Variants in VBP1 observed in about 807,000 individuals in gnomAD.
VBP1 encodes the protein VHL binding protein 1.
VBP1 carries 4 observed loss-of-function variants against 15.5 expected under a neutral mutation model. That is an observed-to-expected ratio of 0.26 (90% CI 0.13 to 0.59). The LOEUF is 0.59. VBP1 is among the 20% of genes least tolerant of loss of function. VBP1 has a pLI of 0.90. For synonymous variants in VBP1, 61 were observed against 52.1 expected, an observed-to-expected ratio of 1.17 and a Z score of -0.74; for missense variants, 108 against 139.6, an observed-to-expected ratio of 0.77 and a Z score of 1.14.
intron 4 of VBP1, among the ~76,000 whole-genome samples, chrX:155,230,898 G>A (rs1324656638): frequency 9.0e-6 from 1 of 111,229 alleles, no homozygotes; most frequent in Non-Finnish European, 1.9e-5. Flanking sequence ...GGTTGATCTC[G>A]AACTCCTGGC....
chrX:155,221,664 C>T (rs2074690216), intron 2 of VBP1, among the ~76,000 whole-genome samples: 1 of 112,048 alleles, frequency 8.9e-6, no homozygotes, highest in Admixed American at 9.4e-5. Flanking sequence ...CAAGGAGGTT[C>T]AGAGGAAGCT....
At chrX:155,230,663 C>T (rs1360739717) in intron 4 of VBP1, among the ~76,000 whole-genome samples, 1 of 110,460 alleles carries the variant, frequency 9.1e-6, no homozygotes, top group African/African-American at 3.3e-5. Flanking sequence ...CCTATACATC[C>T]TGGTACTCTC....
intron 4 of VBP1, among the ~76,000 whole-genome samples, chrX:155,228,791 A>G (rs1449029860): frequency 8.9e-6 from 1 of 111,986 alleles, no homozygotes; most frequent in African/African-American, 3.2e-5. Flanking sequence ...TCTCTTAAAT[A>G]TAATGGAGGA....
At chrX:155,197,563 G>C (rs1243199226) in intron 1 of VBP1, among the ~76,000 whole-genome samples, 1 of 111,963 alleles carries the variant, frequency 8.9e-6, no homozygotes, top group South Asian at 3.6e-4. Context: ...TGTATAGAAT[G>C]GTAAGAAAAA....
At position 155,224,756 on chromosome X, in the gene VBP1, C is replaced by G. The variant is rs2074711493; in HGVS notation, c.219-2479C>G. Among the ~76,000 whole-genome samples, 3 of 112,374 alleles carry G rather than the reference C, an allele frequency of 2.7e-5. No homozygotes were observed. In the Admixed American group the frequency reaches 2.8e-4, roughly 11 times the overall value. ...GACACTTGAATCTGAGATCTTTTAT[C>G]TTTCTTTAATTGGAAATTTTGTGAT... On this transcript the variant is annotated intron_variant, in intron 2 of 5. Coordinates refer to ENST00000286428, the MANE Select transcript of VBP1 (RefSeq NM_003372.7).
chrX:155,200,434 T>G (rs1410083037), intron 1 of VBP1, among the ~76,000 whole-genome samples: 1 of 110,716 alleles, frequency 9.0e-6, no homozygotes, highest in Non-Finnish European at 1.9e-5. Context: ...GCAGTCAAAC[T>G]AGAACTCAGG....
intron 5 of VBP1, among the ~76,000 whole-genome samples, chrX:155,238,249 G>A (rs1260394134): frequency 1.8e-5 from 2 of 112,100 alleles, no homozygotes; most frequent in Non-Finnish European, 3.8e-5. Context: ...TTCTACTGGA[G>A]TCTAAGCTCC....
upstream of VBP1, among the ~76,000 whole-genome samples, chrX:155,214,012 C>G (rs1557308757): frequency 1.8e-5 from 2 of 111,709 alleles, no homozygotes; most frequent in Non-Finnish European, 3.8e-5. Flanking sequence ...GTTTGTCACT[C>G]TAGACTTGAA....
chrX:155,228,289 A>T, intron 3 of VBP1, 95 bp from the exon 4 acceptor site: 1 of 662,333 alleles, frequency 1.5e-6, no homozygotes, highest in Non-Finnish European at 2.3e-6. Context: ...GTACTGTTTT[A>T]AATGTCCTAG....
intron 1 of VBP1, among the ~76,000 whole-genome samples, chrX:155,198,336 G>A (rs982193029): frequency 2.7e-5 from 3 of 112,160 alleles, no homozygotes; most frequent in Non-Finnish European, 5.7e-5. Flanking sequence ...CCTGACCCCC[G>A]AGCAGCCTAA....
Position 155,236,306 on chromosome X carries a change from T to A in VBP1, c.462T>A (p.Asn154Lys). ...LEKNLSTATK[N>K]LDSLEEDLDF... Reference sequence around the variant, plus strand: ...AGAATTTATCGACTGCCACAAAGAATCTTGATTCCCTGGAGGAAGACCTTG... The same window carrying A: ...AGAATTTATCGACTGCCACAAAGAAACTTGATTCCCTGGAGGAAGACCTTG... Residue 154 changes from asparagine (N) to lysine (K), a missense_variant, in exon 5 of 6, where the codon AAT becomes AAA. By Grantham distance (94) the Asn-to-Lys change is moderately conservative (BLOSUM62 0). Coordinates refer to ENST00000286428, the MANE Select transcript of VBP1 (RefSeq NM_003372.7). The A allele has an allele frequency of 8.3e-7, 1 of 1,211,421 alleles. No homozygotes were observed. Among genetic ancestry groups the A allele is most frequent in the East Asian group, 3.0e-5 (1 of 33,833 alleles).
At position 155,238,860 on chromosome X, in the gene VBP1, G is replaced by A; in HGVS notation, c.*18G>A. On this transcript the variant is annotated 3_prime_UTR_variant, in exon 6 of 6. Transcript: ENST00000286428. ...AAGCATAATGCTGGCAATTAAAAATGTGGTTTAGTTTTCCAAACATGTTAT... is the reference window on the plus strand; with the variant it reads ...AAGCATAATGCTGGCAATTAAAAATATGGTTTAGTTTTCCAAACATGTTAT... 2 of 1,178,218 alleles carry A rather than the reference G, an allele frequency of 1.7e-6. No individual in the cohort carries two copies. Among genetic ancestry groups the A allele is most frequent in the African/African-American group, 1.8e-5 (1 of 56,625 alleles).
chrX:155,199,583 T>G (rs1374084536), intron 1 of VBP1, among the ~76,000 whole-genome samples: 1 of 111,638 alleles, frequency 9.0e-6, no homozygotes, highest in Non-Finnish European at 1.9e-5. Flanking sequence ...CCACCAGGCC[T>G]GCCCTAAAAG....
At chrX:155,205,944 C>T (rs1360500640) in intron 1 of VBP1, among the ~76,000 whole-genome samples, 1 of 112,328 alleles carries the variant, frequency 8.9e-6, no homozygotes, top group Non-Finnish European at 1.9e-5. Context: ...TAATGACTTT[C>T]ATGTGACTGA....
intron 1 of VBP1, among the ~76,000 whole-genome samples, chrX:155,204,933 G>T (rs2074621432): frequency 9.0e-6 from 1 of 111,625 alleles, no homozygotes; most frequent in African/African-American, 3.3e-5. Context: ...TATTAATCAG[G>T]TTTAAAAAGT....
At chrX:155,214,546 C>T (rs376362394), upstream of VBP1, among the ~76,000 whole-genome samples, 5 of 111,580 alleles carry the variant, frequency 4.5e-5, no homozygotes, top group Non-Finnish European at 9.4e-5. Flanking sequence ...CTGTTGTATG[C>T]GTATTTTCTT....
chrX:155,222,883 C>T (rs2074696169), intron 2 of VBP1, among the ~76,000 whole-genome samples: 1 of 111,555 alleles, frequency 9.0e-6, no homozygotes, highest in African/African-American at 3.3e-5. Flanking sequence ...CTCTCTGTTG[C>T]CCAGGCCAGA....
At chrX:155,217,233 T>G (rs2074669523) in intron 1 of VBP1, among the ~76,000 whole-genome samples, 1 of 112,208 alleles carries the variant, frequency 8.9e-6, no homozygotes, top group South Asian at 3.7e-4. Context: ...GAGAGGAGGC[T>G]GAACCCTCCT....
At chrX:155,202,054 G>C (rs2074606441) in intron 1 of VBP1, among the ~76,000 whole-genome samples, 1 of 111,065 alleles carries the variant, frequency 9.0e-6, no homozygotes, top group African/African-American at 3.3e-5. Context: ...AACTTACAAG[G>C]GACGTGAAGG....
Sources: allele counts gnomAD v4.1 joint callset (sites outside exome capture counted in the v4.1 genomes callset), GRCh38; gene constraint gnomAD v4.1.1; transcripts MANE v1.5; gene names NCBI Gene and HGNC (gene_info 2026-07-23, HGNC 2026-07-21).